The following GUCY2D variants were observed in gnomAD, a reference collection of about 807,000 sequenced individuals.
The protein encoded by GUCY2D is retinal guanylyl cyclase 1.
In GUCY2D, 70 loss-of-function variants were observed where a neutral mutation model predicts 101.3. That is an observed-to-expected ratio of 0.69 (90% CI 0.57 to 0.84). The LOEUF is 0.84. Among genes scored for constraint, GUCY2D ranks in the 40% least tolerant of loss-of-function variants. The pLI is 0.00. For synonymous variants in GUCY2D, 688 were observed against 670.7 expected (o/e 1.03, Z -0.40); for missense variants, 1,460 against 1,542.5 (o/e 0.95, Z 0.90).
chr17:8,020,089 C>CTTTTTTTTTTTTTTTTTTTTTTT (rs57273310), intron 19 of GUCY2D, 39 bp from the exon 20 acceptor site: 3 of 84,294 alleles, frequency 3.6e-5, no homozygotes, highest in Non-Finnish European at 6.4e-5. Context: ...CACCTGGCGC[C>CTTTTTTTTTTTTTTTTTTTTTTT]TTTTTTTTTT....
At chr17:8,008,272 T>C (rs1477825830) in intron 7 of GUCY2D, among the ~76,000 whole-genome samples, 1 of 152,062 alleles carries the variant, frequency 6.6e-6, no homozygotes, top group African/African-American at 2.4e-5. Context: ...TAAGGGCTCC[T>C]CAAAAGCTAA....
rs756044745 is a variant in GUCY2D, at chr17:8,014,703, AC to A, written c.2516del (p.Thr839ArgfsTer27). The A allele has an allele frequency of 2.6e-5, 42 of 1,613,212 alleles. No homozygotes were observed. The highest frequency in any genetic ancestry group is 3.6e-5 in the Non-Finnish European group (42 of 1,179,570). On this transcript the variant is annotated frameshift_variant, in exon 13 of 20. Coordinates refer to ENST00000254854, the MANE Select transcript of GUCY2D (RefSeq NM_000180.4). LOFTEE classifies it high-confidence loss of function. This position sits in a 1 kb window ranked among gnomAD's most constrained non-coding sequence, Gnocchi z 4.0. ...SNLEDLIRER[T>X]EELELEKQKT... is the part of the protein sequence containing the mutation. Reference sequence around the variant, plus strand: ...CCTGGAGGATCTGATCCGGGAGCGCACGGAGGAGCTGGAGCTGGAAAAGCAG... The same window carrying A: ...CCTGGAGGATCTGATCCGGGAGCGCAGGAGGAGCTGGAGCTGGAAAAGCAG...
At chr17:8,005,418 A>G (rs765235904) in intron 3 of GUCY2D, among the ~76,000 whole-genome samples, 41 of 152,082 alleles carry the variant, frequency 2.7e-4, no homozygotes, top group Admixed American at 4.6e-4. Context: ...GCCTCTCCAC[A>G]TGGCTTACCA....
At chr17:8,007,558 T>C in intron 6 of GUCY2D, 30 bp downstream of exon 6, 2 of 1,408,028 alleles carry the variant, frequency 1.4e-6, no homozygotes, top group Non-Finnish European at 2.0e-6. Flanking sequence ...AGGAGCCAGT[T>C]GTCTTCTTTC....
rs370350737 is a variant in GUCY2D, at chr17:8,013,300, G to T, written c.2263+48G>T. 1 of 1,587,218 alleles carries T rather than the reference G, an allele frequency of 6.3e-7. No individual in the cohort carries two copies. On this transcript the variant is annotated intron_variant, in intron 11 of 19. Transcript: ENST00000254854. This position sits in a 1 kb window ranked among gnomAD's most constrained non-coding sequence, Gnocchi z 5.0. Reference sequence around the variant, plus strand: ...GTTCGGCCCACAGGGGCACCCTGCAGTTAGAAAAGAGCCAGCCTCACTCTT... The same window carrying T: ...GTTCGGCCCACAGGGGCACCCTGCATTTAGAAAAGAGCCAGCCTCACTCTT...
chr17:8,002,784 G>A lies in GUCY2D; in HGVS notation c.-10+50G>A, dbSNP rs1975649431. 2 of 487,164 alleles carry A rather than the reference G, an allele frequency of 4.1e-6. No homozygotes were observed. Among genetic ancestry groups the A allele is most frequent in the Non-Finnish European group, 7.2e-6 (2 of 276,928 alleles). The allele number at this position is 487,164 out of a possible 1,614,324, so 30.2% of individuals were successfully genotyped here. A position where few individuals can be genotyped will look rare whatever the true frequency, so the allele number is the denominator to read the frequency against. On this transcript the variant is annotated intron_variant, in intron 1 of 19. Transcript: ENST00000254854. The surrounding 1 kb of genome is among the most constrained non-coding windows in gnomAD (Gnocchi z 4.9). ...GGGATAGGGTCGGTCTGAGGGCGCA[G>A]GCGAGTCCCTGCTGACCCCTGACGC...
At position 8,003,029 on chromosome 17, in the gene GUCY2D, G is replaced by A; in HGVS notation, c.-9-10G>A. ...CTCAGTCGCTCAGCCTGCTCCGTCT[G>A]TGTTCGCAGAAGCCGGCAATGACCG... is the stretch of plus-strand genomic sequence containing the variant. On this transcript the variant is annotated splice_polypyrimidine_tract_variant and intron_variant, in intron 1 of 19. Coordinates refer to ENST00000254854, the MANE Select transcript of GUCY2D (RefSeq NM_000180.4). 1 of 1,524,616 alleles carries A rather than the reference G, an allele frequency of 6.6e-7. No homozygotes were observed. The highest frequency in any genetic ancestry group is 8.8e-7 in the Non-Finnish European group (1 of 1,142,118). 94.4% of individuals were successfully genotyped at this position (1,524,616 alleles called of 1,614,324 possible).
rs528258925 is a variant in GUCY2D, at chr17:8,016,418, T to C, written c.3225-25T>C. 5.9e-6 allele frequency: 9 copies of C among 1,521,994 alleles called. 1 individual carries two copies. In the Admixed American group the frequency reaches 1.6e-4, roughly 26 times the overall value. 94.3% of individuals were successfully genotyped at this position (1,521,994 alleles called of 1,614,324 possible). A position where few individuals can be genotyped will look rare whatever the true frequency, so the allele number is the denominator to read the frequency against. On this transcript the variant is annotated intron_variant, in intron 18 of 19. Coordinates refer to ENST00000254854, the MANE Select transcript of GUCY2D (RefSeq NM_000180.4). ...CCTCCCACGCCCCATTCCCCTTCCC[T>C]GAGGCCACCGCCCCCTCCTTGCAGG...
chr17:8,014,896 G>T lies in GUCY2D; in HGVS notation c.2614G>T (p.Glu872Ter), dbSNP rs2151803446. The change falls in exon 14 of 20, where the codon GAG becomes TAG. Residue 872 changes from glutamate to a stop codon, truncating the protein, a stop_gained. Transcript: ENST00000254854. LOFTEE classifies it high-confidence loss of function. This position sits in a 1 kb window ranked among gnomAD's most constrained non-coding sequence, Gnocchi z 4.0. ...AEALKTGTPV[E>*]PEYFEQVTLY... ...GGCCTTGAAGACGGGGACACCAGTG[G>T]AGCCCGAGTACTTTGAGCAAGTGAC... is the stretch of plus-strand genomic sequence containing the variant. The T allele has an allele frequency of 6.2e-7, 1 of 1,614,130 alleles. No individual in the cohort carries two copies. The highest frequency in any genetic ancestry group is 1.1e-5 in the South Asian group (1 of 91,082).
rs1160645425 is a variant in GUCY2D at position 8,013,966 on chromosome 17, A to G, written c.2350A>G (p.Met784Val). The change falls in exon 12 of 20, where the codon ATG becomes GTG. Residue 784 changes from methionine (M) to valine (V), a missense_variant. Transcript: ENST00000254854. This position sits in a 1 kb window ranked among gnomAD's most constrained non-coding sequence, Gnocchi z 5.0. ...DQAPVECILL[M>V]KQCWAEQPEL... ...GGCACCTGTCGAGTGTATCCTCCTG[A>G]TGAAGCAGTGCTGGGCAGAGCAGCC... The G allele has an allele frequency of 6.2e-7, 1 of 1,613,646 alleles. No individual in the cohort carries two copies. Among genetic ancestry groups the G allele is most frequent in the Non-Finnish European group, 8.5e-7 (1 of 1,179,758 alleles).
intron 19 of GUCY2D, among the ~76,000 whole-genome samples, chr17:8,017,717 T>C (rs902213116): frequency 2.0e-5 from 3 of 152,080 alleles, no homozygotes; most frequent in Admixed American, 1.3e-4. Context: ...TTTTTGAGTC[T>C]CACTTTGTCA....
rs1343263078 is a variant in GUCY2D at position 8,016,220 on chromosome 17, G to A, written c.3154G>A (p.Asp1052Asn). ...GTCTCCCCAGGGCAAGGGCGCCGAGGACACTTTCTGGCTAGTGGGCAGACG... is the reference window on the plus strand; with the variant it reads ...GTCTCCCCAGGGCAAGGGCGCCGAGAACACTTTCTGGCTAGTGGGCAGACG... ...RTELKGKGAEDTFWLVGRRGF... is the reference protein window; with the variant it reads ...RTELKGKGAENTFWLVGRRGF... Residue 1052 changes from aspartate to asparagine, a missense_variant, in exon 18 of 20, where the codon GAC becomes AAC. Physicochemically the swap from Asp to Asn is conservative, Grantham distance 23. This residue lies in a region of GUCY2D where 215 missense variants were observed against 227.9 expected (regional missense o/e 0.94). Transcript: ENST00000254854. 2 of 1,590,668 alleles carry A rather than the reference G, an allele frequency of 1.3e-6. No homozygotes were observed. The highest frequency in any genetic ancestry group is 1.7e-6 in the Non-Finnish European group (2 of 1,168,848).
At position 8,011,328 on chromosome 17, in the gene GUCY2D, G is replaced by A. The variant is rs368349186; in HGVS notation, c.1750-816G>A. ...CAGGATGCGGAGGTTGCAGTGACCC[G>A]AGATTGCACGACTGCAATCCAGCCT... is the stretch of plus-strand genomic sequence containing the variant. On this transcript the variant is annotated intron_variant, in intron 8 of 19. Coordinates refer to ENST00000254854, the MANE Select transcript of GUCY2D (RefSeq NM_000180.4). This position sits in a 1 kb window ranked among gnomAD's most constrained non-coding sequence, Gnocchi z 4.3. Among the ~76,000 whole-genome samples the A allele has an allele frequency of 7.9e-5, 12 of 151,996 alleles. No individual in the cohort carries two copies. Among genetic ancestry groups the A allele is most frequent in the East Asian group, 5.8e-4 (3 of 5,170 alleles).
In GUCY2D at chr17:8,003,096, T is replaced by A. The variant is rs1008930073; in HGVS notation, c.49T>A (p.Cys17Ser). ...RAGGLPDPGL[C>S]GPAWWAPSLP... The stretch of plus-strand genomic sequence containing the variant: ...GGGTGGGCTTCCGGACCCCGGGCTC[T>A]GCGGTCCCGCGTGGTGGGCTCCGTC... The change falls in exon 2 of 20, where the codon TGC (cysteine) becomes AGC (serine). Residue 17 changes from cysteine to serine, a missense_variant. Transcript: ENST00000254854. 7.9e-6 allele frequency: 12 copies of A among 1,523,932 alleles called. No individual in the cohort carries two copies. The highest frequency in any genetic ancestry group is 7.0e-6 in the Non-Finnish European group (8 of 1,142,266). 94.4% of individuals were successfully genotyped at this position (1,523,932 alleles called of 1,614,324 possible).
At position 8,013,753 on chromosome 17, in the gene GUCY2D, C is replaced by T; in HGVS notation, c.2264-127C>T. 1 of 759,006 alleles carries T rather than the reference C, an allele frequency of 1.3e-6. No homozygotes were observed. The highest frequency in any genetic ancestry group is 1.5e-5 in the South Asian group (1 of 65,438). The allele number at this position is 759,006 out of a possible 1,614,324, so 47.0% of individuals were successfully genotyped here. ...CTCCCTCCACACACACACACTGAAC[C>T]TCTGATGTAAAGAAACCCCTGCCAG... On this transcript the variant is annotated intron_variant, in intron 11 of 19. Transcript: ENST00000254854. The surrounding 1 kb of genome is among the most constrained non-coding windows in gnomAD (Gnocchi z 5.0).
chr17:8,019,255 C>G (rs1748166309), intron 19 of GUCY2D, among the ~76,000 whole-genome samples: 1 of 152,162 alleles, frequency 6.6e-6, no homozygotes, highest in African/African-American at 2.4e-5. Context: ...CCCCTTCCTT[C>G]CCTCTCTCCC....
At chr17:8,018,516 G>T (rs1182133014) in intron 19 of GUCY2D, among the ~76,000 whole-genome samples, 1 of 152,082 alleles carries the variant, frequency 6.6e-6, no homozygotes. Context: ...AATTTCTTTT[G>T]TTTGGCCTAT....
intron 8 of GUCY2D, among the ~76,000 whole-genome samples, chr17:8,010,959 G>A (rs1372822543): frequency 6.6e-6 from 1 of 152,120 alleles, no homozygotes; most frequent in Non-Finnish European, 1.5e-5. Context: ...AGAGCAGTCA[G>A]TCCTGTCTTC....
At chr17:8,008,159 G>A (rs1975781957) in intron 7 of GUCY2D, 127 bp downstream of exon 7, 2 of 714,482 alleles carry the variant, frequency 2.8e-6, no homozygotes, top group Non-Finnish European at 5.1e-6. Flanking sequence ...GGAGATGGGG[G>A]ATGGGAGCCC....
Sources: allele counts gnomAD v4.1 joint callset (sites outside exome capture counted in the v4.1 genomes callset), GRCh38; gene constraint gnomAD v4.1.1; regional missense constraint gnomAD v4.1.1; non-coding constraint Gnocchi (gnomAD v3.1); transcripts MANE v1.5; gene names NCBI Gene and HGNC (gene_info 2026-07-23, HGNC 2026-07-21).